CHLSN: variants seen among roughly 807,000 people sequenced by gnomAD.
CHLSN encodes the protein cholesin.
the CHLSN span, among the ~76,000 whole-genome samples, chr7:1,108,895 AT>A: frequency 0.21 from 27,008 of 129,214 alleles, 1,932 homozygotes; most frequent in Middle Eastern, 0.3. Context: ...TCTCCCAGGC[AT>A]TTTTTTTTTT....
the CHLSN span, among the ~76,000 whole-genome samples, chr7:1,135,891 A>G: frequency 8.7e-6 from 1 of 114,560 alleles, no homozygotes; most frequent in Non-Finnish European, 1.7e-5. Flanking sequence ...GAATATATAA[A>G]TATATAAGTA....
chr7:1,092,775 C>T, the CHLSN span: 1 of 1,613,660 alleles, frequency 6.2e-7, no homozygotes, highest in Middle Eastern at 1.6e-4. Context: ...CGGCCCTGAA[C>T]CGCTTCTGTC....
At chr7:1,113,110 C>T in the CHLSN span, among the ~76,000 whole-genome samples, 6 of 152,034 alleles carry the variant, frequency 3.9e-5, no homozygotes, top group South Asian at 2.1e-4. Context: ...CGCACACACA[C>T]GCACACACCC....
the CHLSN span, among the ~76,000 whole-genome samples, chr7:1,008,618 G>A: frequency 6.6e-6 from 1 of 152,168 alleles, no homozygotes; most frequent in Non-Finnish European, 1.5e-5. Context: ...TCAGCTCCGA[G>A]AAACAGGAGG....
At chr7:1,058,299 C>T in the CHLSN span, 112 of 774,720 alleles carry the variant, frequency 1.4e-4, no homozygotes, top group Admixed American at 1.7e-4. Context: ...CATCATCTCG[C>T]GAGGGAAGCC....
the CHLSN span, among the ~76,000 whole-genome samples, chr7:1,062,121 T>C: frequency 6.6e-6 from 1 of 152,368 alleles, no homozygotes; most frequent in East Asian, 1.9e-4. Context: ...AGTTCAAAAA[T>C]CATTCATCTT....
the CHLSN span, chr7:1,009,812 C>T: frequency 1.3e-6 from 1 of 756,016 alleles, no homozygotes; most frequent in Non-Finnish European, 2.0e-6. Flanking sequence ...GCGGCGGCAG[C>T]ACAGGCCTGG....
At chr7:1,093,896 C>G in the CHLSN span, 1 of 334,690 alleles carries the variant, frequency 3.0e-6, no homozygotes, top group Non-Finnish European at 6.0e-6. Flanking sequence ...TCCCTCCCCC[C>G]TCACAGAAAA....
At chr7:991,511 G>A in the CHLSN span, among the ~76,000 whole-genome samples, 1 of 152,170 alleles carries the variant, frequency 6.6e-6, no homozygotes, top group African/African-American at 2.4e-5. Flanking sequence ...AGTGAGACCC[G>A]AACCCCGGAG....
chr7:1,104,410 T>G, the CHLSN span, among the ~76,000 whole-genome samples: 2 of 152,192 alleles, frequency 1.3e-5, no homozygotes, highest in Non-Finnish European at 2.9e-5. Context: ...CCATCTCTAA[T>G]GCATTCACGT....
chr7:1,030,451 C>T, the CHLSN span, among the ~76,000 whole-genome samples: 1 of 152,192 alleles, frequency 6.6e-6, no homozygotes, highest in Non-Finnish European at 1.5e-5. Flanking sequence ...GGCCACTAGC[C>T]CCACAGGGAT....
chr7:1,016,135 GCCAGCA>G, the CHLSN span, among the ~76,000 whole-genome samples: 2 of 55,892 alleles, frequency 3.6e-5, no homozygotes, highest in East Asian at 4.5e-4. Context: ...AGCAGCACAC[GCCAGCA>G]CACAGCAGCA....
chr7:1,080,031 CTG>C, the CHLSN span, among the ~76,000 whole-genome samples: 2 of 152,194 alleles, frequency 1.3e-5, no homozygotes, highest in South Asian at 4.1e-4. Context: ...CCAAAACAGA[CTG>C]TGAAGGGCCA....
chr7:1,070,907 C>T, the CHLSN span, among the ~76,000 whole-genome samples: 44 of 146,800 alleles, frequency 3.0e-4, 1 homozygote, highest in South Asian at 2.2e-3. Context: ...CACACATGCA[C>T]GCACACACAC....
chr7:1,019,880 G>A, the CHLSN span, among the ~76,000 whole-genome samples: 7 of 152,248 alleles, frequency 4.6e-5, 1 homozygote, highest in South Asian at 4.1e-4. Context: ...CCCACAGCCT[G>A]GACCCAGAGG....
At chr7:1,005,445 G>A in the CHLSN span, among the ~76,000 whole-genome samples, 7 of 152,250 alleles carry the variant, frequency 4.6e-5, no homozygotes, top group South Asian at 2.1e-4. Context: ...TGCCAGCCGC[G>A]GTGAGCTGAC....
the CHLSN span, among the ~76,000 whole-genome samples, chr7:991,339 A>G: frequency 6.6e-6 from 1 of 152,200 alleles, no homozygotes; most frequent in Non-Finnish European, 1.5e-5. Flanking sequence ...TCCACGGGGT[A>G]CAGCCAGGGC....
At chr7:1,032,908 C>T in the CHLSN span, among the ~76,000 whole-genome samples, 124 of 152,356 alleles carry the variant, frequency 8.1e-4, no homozygotes, top group Non-Finnish European at 1.3e-3. Flanking sequence ...CAATCCTGCA[C>T]GCTCCTCACT....
chr7:1,023,202 C>T, the CHLSN span, among the ~76,000 whole-genome samples: 4 of 152,196 alleles, frequency 2.6e-5, no homozygotes, highest in Non-Finnish European at 4.4e-5. This position sits in a 1 kb window ranked among gnomAD's most constrained non-coding sequence, Gnocchi z 5.0. Context: ...TGTGGGCATC[C>T]GAGTATTTAC....
Sources: allele counts gnomAD v4.1 joint callset (sites outside exome capture counted in the v4.1 genomes callset), GRCh38; gene constraint gnomAD v4.1.1; non-coding constraint Gnocchi (gnomAD v3.1); transcripts MANE v1.5; gene names NCBI Gene and HGNC (gene_info 2026-07-23, HGNC 2026-07-21).